Variants in LINGO2 observed in about 807,000 individuals in gnomAD.
LINGO2 encodes leucine-rich repeat and immunoglobulin-like domain-containing nogo receptor-interacting protein 2.
A neutral mutation model predicts 30.6 loss-of-function variants in LINGO2; 14 were observed. The observed-to-expected ratio is 0.46, with a 90% confidence interval of 0.30 to 0.72. The LOEUF is 0.72. Ranked by LOEUF, LINGO2 falls within the 30% of genes least tolerant of loss-of-function variation. The pLI is 0.07. For missense variants in LINGO2, 729 were observed against 751.7 expected (o/e 0.97, Z 0.35); for synonymous variants, 317 against 288.5 (o/e 1.10, Z -1.00).
At chr9:28,327,585 C>T (rs938616786) in intron 3 of LINGO2, among the ~76,000 whole-genome samples, 5 of 152,104 alleles carry the variant, frequency 3.3e-5, no homozygotes, top group Non-Finnish European at 7.3e-5. Context: ...ATTCCCTTTA[C>T]AGTCAAACTG....
the LINGO2 span, among the ~76,000 whole-genome samples, chr9:28,718,286 T>C: frequency 1.3e-5 from 2 of 151,972 alleles, no homozygotes; most frequent in Non-Finnish European, 2.9e-5. Context: ...AGAGTTCAGA[T>C]ACTTGATGGG....
At chr9:28,175,750 T>C (rs796523930) in intron 4 of LINGO2, among the ~76,000 whole-genome samples, 3 of 152,172 alleles carry the variant, frequency 2.0e-5, no homozygotes, top group Non-Finnish European at 4.4e-5. Flanking sequence ...CTCTGTAAGA[T>C]AAGGAAGATT....
At chr9:28,305,946 C>G (rs1288650794) in intron 3 of LINGO2, among the ~76,000 whole-genome samples, 1 of 152,046 alleles carries the variant, frequency 6.6e-6, no homozygotes, top group Non-Finnish European at 1.5e-5. Flanking sequence ...TAAAAGATCT[C>G]TCTCTAAATC....
intron 4 of LINGO2, among the ~76,000 whole-genome samples, chr9:28,184,323 G>C (rs1486440560): frequency 2.0e-5 from 3 of 152,148 alleles, no homozygotes; most frequent in African/African-American, 7.2e-5. Context: ...ATTCTCTTAA[G>C]TACCTTGCTA....
chr9:28,629,126 G>A (rs1446321421), intron 1 of LINGO2, among the ~76,000 whole-genome samples: 1 of 152,086 alleles, frequency 6.6e-6, no homozygotes, highest in Non-Finnish European at 1.5e-5. Flanking sequence ...GAGACCATGA[G>A]AAGCTTCAGG....
chr9:28,253,140 T>C (rs1426435911), intron 4 of LINGO2, among the ~76,000 whole-genome samples: 1 of 152,092 alleles, frequency 6.6e-6, no homozygotes, highest in Non-Finnish European at 1.5e-5. Flanking sequence ...GAAAAATTAA[T>C]GGATGTTTTC....
intron 1 of LINGO2, among the ~76,000 whole-genome samples, chr9:28,653,632 G>A (rs1022013746): frequency 6.6e-6 from 1 of 152,122 alleles, no homozygotes; most frequent in Admixed American, 6.6e-5. Flanking sequence ...ATAATGAGAA[G>A]AATTGATGCA....
chr9:29,116,358 A>G, the LINGO2 span, among the ~76,000 whole-genome samples: 1 of 152,112 alleles, frequency 6.6e-6, no homozygotes, highest in Non-Finnish European at 1.5e-5. Flanking sequence ...ACAAATTTGT[A>G]AGGCAGTGAA....
At chr9:29,013,770 A>C in the LINGO2 span, among the ~76,000 whole-genome samples, 1 of 152,192 alleles carries the variant, frequency 6.6e-6, no homozygotes, top group African/African-American at 2.4e-5. Context: ...GTGGGAAAAC[A>C]GAGATTTCAA....
At chr9:28,040,711 A>G (rs952318558) in intron 4 of LINGO2, among the ~76,000 whole-genome samples, 4 of 152,150 alleles carry the variant, frequency 2.6e-5, no homozygotes, top group Non-Finnish European at 4.4e-5. Context: ...ATTCAAAGGA[A>G]GCTTTATTAT....
intron 4 of LINGO2, among the ~76,000 whole-genome samples, chr9:28,231,469 A>C (rs561352621): frequency 3.9e-5 from 6 of 152,164 alleles, no homozygotes; most frequent in Admixed American, 3.9e-4. Context: ...GAAATGTTTA[A>C]TTTTTTAAAA....
chr9:28,755,206 G>A, the LINGO2 span, among the ~76,000 whole-genome samples: 4 of 151,974 alleles, frequency 2.6e-5, no homozygotes, highest in African/African-American at 4.8e-5. Flanking sequence ...TGCCATACTC[G>A]TGTTTAAATA....
At chr9:28,497,575 G>T (rs1452312967) in intron 1 of LINGO2, among the ~76,000 whole-genome samples, 1 of 152,034 alleles carries the variant, frequency 6.6e-6, no homozygotes, top group Non-Finnish European at 1.5e-5. Flanking sequence ...CTTTTTTCAA[G>T]GTTTTTAGCT....
chr9:28,783,766 C>G, the LINGO2 span, among the ~76,000 whole-genome samples: 5 of 152,200 alleles, frequency 3.3e-5, no homozygotes, highest in Non-Finnish European at 5.9e-5. Context: ...GCTGCTATAA[C>G]AGAGTGCTAT....
intron 1 of LINGO2, among the ~76,000 whole-genome samples, chr9:28,505,719 T>C (rs1338511701): frequency 6.6e-6 from 1 of 151,932 alleles, no homozygotes; most frequent in Non-Finnish European, 1.5e-5. Context: ...ATGCATAACC[T>C]GCATTTGTAA....
intron 3 of LINGO2, among the ~76,000 whole-genome samples, chr9:28,315,830 T>C (rs1345588807): frequency 6.6e-6 from 1 of 152,230 alleles, no homozygotes; most frequent in African/African-American, 2.4e-5. Flanking sequence ...AAACTATGAA[T>C]ATGACATTCA....
intron 1 of LINGO2, among the ~76,000 whole-genome samples, chr9:28,577,782 T>C (rs933070424): frequency 3.3e-5 from 5 of 152,160 alleles, no homozygotes; most frequent in African/African-American, 9.7e-5. Context: ...TATAAATAAA[T>C]GCCAAGTAGC....
chr9:28,736,700 G>T, the LINGO2 span, among the ~76,000 whole-genome samples: 1 of 152,094 alleles, frequency 6.6e-6, no homozygotes, highest in Non-Finnish European at 1.5e-5. Flanking sequence ...GCTGAGGCAG[G>T]AGAAATGCTT....
chr9:29,132,408 CA>C, the LINGO2 span, among the ~76,000 whole-genome samples: 2 of 152,124 alleles, frequency 1.3e-5, no homozygotes, highest in Admixed American at 6.6e-5. Context: ...TGCAACCAAT[CA>C]GACATTTGCA....
Sources: gnomAD v4.1 joint callset for allele counts (sites outside exome capture counted in the v4.1 genomes callset) on GRCh38, gnomAD v4.1.1 for gene constraint, MANE v1.5 for transcripts, NCBI Gene and HGNC (gene_info 2026-07-23, HGNC 2026-07-21) for gene names.